Variants in POFUT3 observed in about 807,000 individuals in gnomAD.
The protein encoded by POFUT3 is GDP-fucose protein O-fucosyltransferase 3.
the POFUT3 span, among the ~76,000 whole-genome samples, chr8:33,388,714 C>A: frequency 2.0e-5 from 3 of 152,122 alleles, no homozygotes; most frequent in Admixed American, 6.5e-5. Flanking sequence ...ACCTGCAGCA[C>A]GGGATCCCCC....
At chr8:33,398,158 C>T in the POFUT3 span, among the ~76,000 whole-genome samples, 792 of 152,250 alleles carry the variant, frequency 5.2e-3, 6 homozygotes, top group African/African-American at 0.018. Context: ...GATAAGTACA[C>T]AGAAAACCCA....
At chr8:33,436,603 A>G in the POFUT3 span, 5 of 901,256 alleles carry the variant, frequency 5.5e-6, no homozygotes, top group Non-Finnish European at 9.3e-6. Context: ...ATTCTTAATG[A>G]TGCCACATTC....
chr8:33,329,204 C>T, the POFUT3 span, among the ~76,000 whole-genome samples: 1 of 152,038 alleles, frequency 6.6e-6, no homozygotes, highest in East Asian at 1.9e-4. Context: ...CTCTAGGAGT[C>T]ACATGAAAAA....
At chr8:33,469,456 C>T in the POFUT3 span, among the ~76,000 whole-genome samples, 1 of 152,196 alleles carries the variant, frequency 6.6e-6, no homozygotes, top group Non-Finnish European at 1.5e-5. Flanking sequence ...TCATCCTCTT[C>T]ATACTAGTGC....
the POFUT3 span, among the ~76,000 whole-genome samples, chr8:33,396,322 C>A: frequency 6.6e-6 from 1 of 152,144 alleles, no homozygotes; most frequent in Non-Finnish European, 1.5e-5. Context: ...CCCTTTGTAA[C>A]CAATTCTTGT....
the POFUT3 span, among the ~76,000 whole-genome samples, chr8:33,398,711 CTAAAATAAAAGT>C: frequency 6.6e-6 from 1 of 152,082 alleles, no homozygotes. Context: ...ACCCCGGAAC[CTAAAATAAAAGT>C]TAAAATAAAA....
the POFUT3 span, among the ~76,000 whole-genome samples, chr8:33,318,838 T>A: frequency 1.2e-3 from 67 of 57,818 alleles, 4 homozygotes; most frequent in South Asian, 2.9e-3. Context: ...TTATATATAT[T>A]TATATAATAT....
At chr8:33,311,868 A>G in the POFUT3 span, among the ~76,000 whole-genome samples, 1 of 152,226 alleles carries the variant, frequency 6.6e-6, no homozygotes. Context: ...ATACCTGTGA[A>G]CTTGACCGTA....
chr8:33,318,482 T>A, the POFUT3 span, among the ~76,000 whole-genome samples: 1 of 130,032 alleles, frequency 7.7e-6, no homozygotes, highest in South Asian at 2.2e-4. Flanking sequence ...TATTATAATA[T>A]ATAATGTACA....
At chr8:33,318,644 TG>T in the POFUT3 span, among the ~76,000 whole-genome samples, 601 of 89,264 alleles carry the variant, frequency 6.7e-3, 4 homozygotes, top group Non-Finnish European at 8.8e-3. Flanking sequence ...ATAAATATAT[TG>T]TATATATATT....
the POFUT3 span, among the ~76,000 whole-genome samples, chr8:33,427,560 C>T: frequency 6.6e-6 from 1 of 151,508 alleles, no homozygotes; most frequent in Non-Finnish European, 1.5e-5. Flanking sequence ...GCCTGGGCAA[C>T]AAGAGCGAAA....
chr8:33,444,326 G>A, the POFUT3 span, among the ~76,000 whole-genome samples: 1 of 151,986 alleles, frequency 6.6e-6, no homozygotes, highest in African/African-American at 2.4e-5. Context: ...TTCTGGGGCT[G>A]GAAAATGCTT....
the POFUT3 span, among the ~76,000 whole-genome samples, chr8:33,324,422 T>A: frequency 6.6e-6 from 1 of 152,170 alleles, no homozygotes; most frequent in African/African-American, 2.4e-5. Context: ...TGCAAGGATT[T>A]GTACATGTAA....
the POFUT3 span, among the ~76,000 whole-genome samples, chr8:33,319,317 T>A: frequency 1.9e-4 from 8 of 43,016 alleles, no homozygotes; most frequent in South Asian, 1.2e-3. Context: ...TAAATATATT[T>A]TATATATGTT....
At chr8:33,462,169 G>GAGGGGAGGGGAGGGGAAGGGA in the POFUT3 span, among the ~76,000 whole-genome samples, 1 of 6,052 alleles carries the variant, frequency 1.7e-4, no homozygotes, top group Non-Finnish European at 2.8e-4. Flanking sequence ...AAGGGGAAGG[G>GAGGGGAGGGGAGGGGAAGGGA]ACCAGAGTGG....
the POFUT3 span, among the ~76,000 whole-genome samples, chr8:33,357,410 GTTGTTC>G: frequency 6.6e-6 from 1 of 151,798 alleles, no homozygotes; most frequent in Admixed American, 6.6e-5. Context: ...AGCCCAAGGA[GTTGTTC>G]TTGGTTACAG....
At chr8:33,315,252 A>G in the POFUT3 span, among the ~76,000 whole-genome samples, 1 of 152,196 alleles carries the variant, frequency 6.6e-6, no homozygotes, top group Non-Finnish European at 1.5e-5. Flanking sequence ...CCTAGTAAAT[A>G]TCATCAGTCA....
At chr8:33,348,320 AAG>A in the POFUT3 span, among the ~76,000 whole-genome samples, 2 of 152,216 alleles carry the variant, frequency 1.3e-5, no homozygotes, top group African/African-American at 4.8e-5. Context: ...AATGTGGCAG[AAG>A]AGTCACTCCC....
At chr8:33,372,345 G>A in the POFUT3 span, 1 of 1,292,684 alleles carries the variant, frequency 7.7e-7, no homozygotes, top group Non-Finnish European at 9.8e-7. Context: ...GGACATGGAA[G>A]ATAACCAGTG....
Sources: gnomAD v4.1 joint callset for allele counts (sites outside exome capture counted in the v4.1 genomes callset) on GRCh38, gnomAD v4.1.1 for gene constraint, MANE v1.5 for transcripts, NCBI Gene and HGNC (gene_info 2026-07-23, HGNC 2026-07-21) for gene names.